The following FAM184A variants were observed in gnomAD, a reference collection of about 807,000 sequenced individuals.
The protein encoded by FAM184A is protein FAM184A.
Under a neutral mutation model 143.8 loss-of-function variants are expected in FAM184A, and 99 were observed. That is an observed-to-expected ratio of 0.69 (90% confidence interval 0.58 to 0.81). The LOEUF (loss-of-function observed/expected upper bound fraction) is 0.81, where lower values mean the gene tolerates loss of function less well. Ranked by LOEUF, FAM184A falls within the 40% of genes least tolerant of loss-of-function variation. FAM184A has a pLI of 0.00. For synonymous variants in FAM184A, 427 were observed against 446.4 expected (o/e 0.96, Z 0.55); for missense variants, 1,217 against 1,310.5 (o/e 0.93, Z 1.10).
rs371388569 is a variant in FAM184A at position 119,024,306 on chromosome 6, G to A, written c.667C>T (p.His223Tyr). 3 of 1,614,064 alleles carry A rather than the reference G, an allele frequency of 1.9e-6. No homozygotes were observed. Among genetic ancestry groups the A allele is most frequent in the Non-Finnish European group, 2.5e-6 (3 of 1,180,034 alleles). Reference protein sequence around the residue: ...NKGQEKAEELHRMEVESLNKM... With the variant: ...NKGQEKAEELYRMEVESLNKM... ...TTTAGGGACTCCACCTCCATTCTGTGTAGTTCCTCTGCCTTTTCCTGGCCT... is the reference window on the plus strand; with the variant it reads ...TTTAGGGACTCCACCTCCATTCTGTATAGTTCCTCTGCCTTTTCCTGGCCT... The change falls in exon 2 of 18, where the codon CAC (histidine) becomes TAC (tyrosine). Residue 223 changes from histidine to tyrosine, a missense_variant. By Grantham distance (83) the His-to-Tyr change is moderately conservative (BLOSUM62 2). Coordinates refer to ENST00000338891, the MANE Select transcript of FAM184A (RefSeq NM_024581.6).
At chr6:119,049,663 C>T (rs1786671360) in intron 1 of FAM184A, among the ~76,000 whole-genome samples, 1 of 152,158 alleles carries the variant, frequency 6.6e-6, no homozygotes, top group African/African-American at 2.4e-5. Flanking sequence ...CCCTTCCTTA[C>T]ACCATATACA....
chr6:119,102,784 C>CAAAAAAAAAAAAAAAAAAAAA (rs58686018), intron 1 of FAM184A, among the ~76,000 whole-genome samples: 33 of 30,098 alleles, frequency 1.1e-3, no homozygotes, highest in East Asian at 3.6e-3. Context: ...GACTCCATCT[C>CAAAAAAAAAAAAAAAAAAAAA]AAAAAAAAAA....
chr6:119,027,961 G>C (rs928386200), intron 1 of FAM184A, among the ~76,000 whole-genome samples: 2 of 152,262 alleles, frequency 1.3e-5, no homozygotes, highest in East Asian at 3.9e-4. Context: ...GAAGAGTTCT[G>C]AATCTACCTA....
intron 1 of FAM184A, among the ~76,000 whole-genome samples, chr6:119,146,311 C>T (rs1345848034): frequency 6.6e-6 from 1 of 151,922 alleles, no homozygotes; most frequent in Non-Finnish European, 1.5e-5. Context: ...CCGCAGTGTG[C>T]TCCACATGTT....
At chr6:118,965,343 C>A (rs1450941041) in intron 15 of FAM184A, among the ~76,000 whole-genome samples, 2 of 151,828 alleles carry the variant, frequency 1.3e-5, no homozygotes, top group African/African-American at 4.8e-5. Flanking sequence ...CCATCATATC[C>A]GGCCTCATTA....
chr6:119,037,112 G>C (rs1285331301), intron 1 of FAM184A, among the ~76,000 whole-genome samples: 1 of 152,122 alleles, frequency 6.6e-6, no homozygotes, highest in African/African-American at 2.4e-5. Context: ...AATTTAACTG[G>C]AAAAAGTGTC....
intron 14 of FAM184A, among the ~76,000 whole-genome samples, chr6:118,972,787 T>C (rs1159457775): frequency 3.3e-5 from 5 of 152,136 alleles, no homozygotes; most frequent in Non-Finnish European, 5.9e-5. Flanking sequence ...ACTATGTTTT[T>C]TCGGAGCATG....
intron 6 of FAM184A, among the ~76,000 whole-genome samples, chr6:119,010,269 A>T (rs1211203229): frequency 6.6e-6 from 1 of 152,264 alleles, no homozygotes; most frequent in African/African-American, 2.4e-5. Flanking sequence ...CTGTTGAGTT[A>T]AAGGACATGC....
At chr6:119,033,489 C>T (rs1785968741) in intron 1 of FAM184A, among the ~76,000 whole-genome samples, 1 of 151,666 alleles carries the variant, frequency 6.6e-6, no homozygotes, top group Non-Finnish European at 1.5e-5. Flanking sequence ...CATGGTGAAA[C>T]CCCGTCTCTA....
At chr6:119,122,489 G>T (rs1789243429) in intron 1 of FAM184A, among the ~76,000 whole-genome samples, 1 of 152,152 alleles carries the variant, frequency 6.6e-6, no homozygotes, top group Admixed American at 6.6e-5. Flanking sequence ...TCAGAGGAGG[G>T]CAAAAGGAAC....
At chr6:119,146,033 C>A (rs940332057) in intron 1 of FAM184A, among the ~76,000 whole-genome samples, 6 of 152,104 alleles carry the variant, frequency 3.9e-5, no homozygotes. Context: ...GTACCACTAG[C>A]GGCATAGGAG....
intron 1 of FAM184A, among the ~76,000 whole-genome samples, chr6:119,034,154 A>C (rs1786021045): frequency 6.6e-6 from 1 of 150,596 alleles, no homozygotes; most frequent in African/African-American, 2.4e-5. Context: ...AAATGAGGAG[A>C]TCATAAACGA....
At chr6:119,119,039 C>G (rs1327877810) in intron 1 of FAM184A, among the ~76,000 whole-genome samples, 1 of 152,094 alleles carries the variant, frequency 6.6e-6, no homozygotes, top group Admixed American at 6.6e-5. Flanking sequence ...CTTCTATGGT[C>G]GAAACTGTAG....
chr6:119,039,333 C>T (rs1191799523), intron 1 of FAM184A, among the ~76,000 whole-genome samples: 1 of 152,202 alleles, frequency 6.6e-6, no homozygotes, highest in Non-Finnish European at 1.5e-5. Flanking sequence ...AAAACTGGCA[C>T]ACAGATGTTT....
At chr6:119,072,937 G>A (rs527998559) in intron 1 of FAM184A, among the ~76,000 whole-genome samples, 3 of 151,952 alleles carry the variant, frequency 2.0e-5, no homozygotes, top group Non-Finnish European at 4.4e-5. Flanking sequence ...ATTACTTGCT[G>A]TATCATTATG....
At chr6:118,963,620 A>T (rs952512424) in intron 16 of FAM184A, 9 of 152,100 alleles carry the variant, frequency 5.9e-5, no homozygotes, top group Admixed American at 5.2e-4. Context: ...GGAAAGGAAA[A>T]TTTCTGGGTA....
chr6:119,084,808 C>T (rs528118360), intron 1 of FAM184A, among the ~76,000 whole-genome samples: 3 of 152,368 alleles, frequency 2.0e-5, no homozygotes, highest in South Asian at 2.1e-4. Context: ...TCCCAAACCT[C>T]AACTCTTGCA....
chr6:119,147,280 C>A (rs1479182997), intron 1 of FAM184A, among the ~76,000 whole-genome samples: 1 of 145,788 alleles, frequency 6.9e-6, no homozygotes, highest in Non-Finnish European at 1.5e-5. Context: ...TGCATCCTAG[C>A]TGTGGGTCTG....
chr6:119,073,109 C>T (rs749287536), intron 1 of FAM184A, among the ~76,000 whole-genome samples: 5 of 152,138 alleles, frequency 3.3e-5, no homozygotes, highest in Non-Finnish European at 4.4e-5. Context: ...ACAGTATTTG[C>T]AAGTTTGCAT....
Sources: allele counts gnomAD v4.1 joint callset (sites outside exome capture counted in the v4.1 genomes callset), GRCh38; gene constraint gnomAD v4.1.1; transcripts MANE v1.5; gene names NCBI Gene and HGNC (gene_info 2026-07-23, HGNC 2026-07-21).